The following CLNK variants were observed in gnomAD, a reference collection of about 807,000 sequenced individuals.
The protein encoded by CLNK is cytokine-dependent hematopoietic cell linker.
Under a neutral mutation model 68.6 loss-of-function variants are expected in CLNK, and 74 were observed. That is an observed-to-expected ratio of 1.08 (90% CI 0.89 to 1.31). The LOEUF is 1.31. CLNK is among the 50% of genes most tolerant of loss of function. The pLI is 0.00. For missense variants in CLNK, 553 were observed against 515.3 expected, an observed-to-expected ratio of 1.07 and a Z score of -0.71; for synonymous variants, 198 against 172.2, an observed-to-expected ratio of 1.15 and a Z score of -1.17.
chr4:10,616,302 G>C (rs2098057), intron 2 of CLNK, among the ~76,000 whole-genome samples: 105,707 of 152,024 alleles, frequency 0.7, 37,614 homozygotes, highest in East Asian at 0.77. Flanking sequence ...TCGGGGTTTA[G>C]TTTATTGCTT....
chr4:10,540,381 C>T (rs1718964524), intron 11 of CLNK, 113 bp downstream of exon 11: 2 of 742,932 alleles, frequency 2.7e-6, no homozygotes, highest in Admixed American at 2.1e-5. Context: ...CCAATACACT[C>T]CCCACCCATT....
intron 7 of CLNK, among the ~76,000 whole-genome samples, chr4:10,560,637 T>C (rs1281326153): frequency 6.6e-6 from 1 of 150,882 alleles, no homozygotes; most frequent in Admixed American, 6.6e-5. Context: ...AGAGATGGAG[T>C]TTCACAATGT....
At chr4:10,686,242 C>T (rs529896131), upstream of CLNK, among the ~76,000 whole-genome samples, 1 of 152,208 alleles carries the variant, frequency 6.6e-6, no homozygotes, top group Admixed American at 6.5e-5. Context: ...AGAGGAGTCA[C>T]AGTGAATGAT....
intron 8 of CLNK, among the ~76,000 whole-genome samples, chr4:10,557,496 G>A (rs1293844462): frequency 6.6e-6 from 1 of 152,122 alleles, no homozygotes; most frequent in Non-Finnish European, 1.5e-5. Flanking sequence ...CTCTCCAGGC[G>A]GTGTGCTCCT....
intron 17 of CLNK, among the ~76,000 whole-genome samples, chr4:10,506,845 G>A (rs979801753): frequency 2.0e-5 from 3 of 152,148 alleles, no homozygotes; most frequent in Non-Finnish European, 4.4e-5. Context: ...TGTCGCCCAG[G>A]CTGGAGTGCG....
chr4:10,694,432 C>T, the CLNK span, among the ~76,000 whole-genome samples: 4,796 of 152,046 alleles, frequency 0.032, 236 homozygotes, highest in African/African-American at 0.11. Context: ...GTATATACAA[C>T]GAAGGTCCCA....
chr4:10,726,831 A>G, the CLNK span, among the ~76,000 whole-genome samples: 210 of 152,322 alleles, frequency 1.4e-3, 5 homozygotes, highest in Non-Finnish European at 1.5e-3. Context: ...CGTGGGTATG[A>G]CAATGCCTGC....
the CLNK span, among the ~76,000 whole-genome samples, chr4:10,732,329 A>C: frequency 6.6e-6 from 1 of 152,212 alleles, no homozygotes; most frequent in Non-Finnish European, 1.5e-5. Flanking sequence ...TGAGGAGCAC[A>C]CAAAGCTAGC....
chr4:10,515,071 CTA>C (rs1421053541), intron 15 of CLNK, among the ~76,000 whole-genome samples: 1 of 152,248 alleles, frequency 6.6e-6, no homozygotes, highest in East Asian at 1.9e-4. Flanking sequence ...AACCCCGTCT[CTA>C]CTAAAAATAC....
At chr4:10,506,214 G>T (rs1717286337) in intron 17 of CLNK, among the ~76,000 whole-genome samples, 1 of 152,096 alleles carries the variant, frequency 6.6e-6, no homozygotes, top group African/African-American at 2.4e-5. Context: ...TCTCCTTTTG[G>T]CCACATGTAG....
In CLNK at chr4:10,490,249, T is replaced by C. The variant is rs910267670; in HGVS notation, c.*218A>G. On this transcript the variant is annotated 3_prime_UTR_variant, in exon 19 of 19. Coordinates refer to ENST00000226951, the MANE Select transcript of CLNK (RefSeq NM_052964.4). ...TTTTATTTATTTTCCAGTGGCCAGT[T>C]ACTAGAATGTTTTTATTTTTTGCAT... is the stretch of plus-strand genomic sequence containing the variant. The C allele has an allele frequency of 1.7e-5, 7 of 423,160 alleles. No homozygotes were observed. Among genetic ancestry groups the C allele is most frequent in the Non-Finnish European group, 2.5e-5 (6 of 242,952 alleles). 26.2% of individuals were successfully genotyped at this position (423,160 alleles called of 1,614,324 possible). A position where few individuals can be genotyped will look rare whatever the true frequency, so the allele number is the denominator to read the frequency against.
At chr4:10,661,133 G>T (rs1402480906) in intron 2 of CLNK, among the ~76,000 whole-genome samples, 1 of 152,170 alleles carries the variant, frequency 6.6e-6, no homozygotes, top group African/African-American at 2.4e-5. Context: ...CAAAGTGAAG[G>T]TGCCCCTGGA....
At chr4:10,714,242 C>G in the CLNK span, among the ~76,000 whole-genome samples, 1 of 152,156 alleles carries the variant, frequency 6.6e-6, no homozygotes, top group African/African-American at 2.4e-5. Context: ...AAACATTTTA[C>G]ACAGTAAAGC....
chr4:10,548,577 C>G (rs542346052), intron 8 of CLNK, among the ~76,000 whole-genome samples: 13 of 152,156 alleles, frequency 8.5e-5, no homozygotes, highest in South Asian at 2.1e-4. Context: ...AAGTCATTGG[C>G]AAGATACAAT....
chr4:10,551,433 T>TA (rs1560212779), intron 8 of CLNK, among the ~76,000 whole-genome samples: 106 of 139,576 alleles, frequency 7.6e-4, no homozygotes, highest in East Asian at 1.9e-3. Context: ...ATATATATAT[T>TA]TTTTTTTAGT....
intron 1 of CLNK, among the ~76,000 whole-genome samples, chr4:10,670,261 AT>A: frequency 6.6e-6 from 1 of 152,338 alleles, no homozygotes; most frequent in South Asian, 2.1e-4. Flanking sequence ...ATTGATGACA[AT>A]TTTTGAATAT....
the CLNK span, among the ~76,000 whole-genome samples, chr4:10,696,722 T>C: frequency 1.3e-5 from 2 of 152,266 alleles, no homozygotes; most frequent in Admixed American, 1.3e-4. Context: ...CCTGCCACTT[T>C]CCCATTTGCC....
chr4:10,607,386 C>T (rs2011341), intron 2 of CLNK, among the ~76,000 whole-genome samples: 6,395 of 152,296 alleles, frequency 0.042, 169 homozygotes, highest in Middle Eastern at 0.075. Flanking sequence ...ATAGTACAAT[C>T]TCTCTCCTGA....
At chr4:10,641,952 C>T (rs185081600) in intron 2 of CLNK, among the ~76,000 whole-genome samples, 2 of 152,144 alleles carry the variant, frequency 1.3e-5, no homozygotes, top group African/African-American at 2.4e-5. Context: ...GTAACGTGTG[C>T]CTTTCTCCTT....
Sources: allele counts gnomAD v4.1 joint callset (sites outside exome capture counted in the v4.1 genomes callset), GRCh38; gene constraint gnomAD v4.1.1; transcripts MANE v1.5; gene names NCBI Gene and HGNC (gene_info 2026-07-23, HGNC 2026-07-21).